The following GPAM variants were observed in gnomAD, a reference collection of about 807,000 sequenced individuals.
GPAM encodes glycerol-3-phosphate acyltransferase, mitochondrial.
GPAM carries 56 observed loss-of-function variants against 105.0 expected under a neutral mutation model. The observed-to-expected ratio is 0.53, with a 90% confidence interval of 0.43 to 0.67. The LOEUF is 0.67. GPAM is among the 30% of genes least tolerant of loss of function. The pLI, the probability that GPAM is intolerant of heterozygous loss-of-function variation, is 0.00. For missense variants in GPAM, 855 were observed against 989.8 expected, an observed-to-expected ratio of 0.86 and a Z score of 1.83; for synonymous variants, 368 against 354.4, an observed-to-expected ratio of 1.04 and a Z score of -0.43.
chr10:112,157,213 C>G (rs1296084899), intron 19 of GPAM, 36 bp downstream of exon 19: 3 of 1,588,032 alleles, frequency 1.9e-6, no homozygotes, highest in East Asian at 2.2e-5. Flanking sequence ...CTCAACATAT[C>G]CCTGTAATAT....
At chr10:112,193,841 A>G (rs1385485550) in intron 1 of GPAM, among the ~76,000 whole-genome samples, 1 of 152,208 alleles carries the variant, frequency 6.6e-6, no homozygotes, top group Non-Finnish European at 1.5e-5. Context: ...TTATGCTTGA[A>G]AAACATACTT....
intron 1 of GPAM, among the ~76,000 whole-genome samples, chr10:112,210,609 G>GC (rs908559424): frequency 5.9e-5 from 9 of 152,212 alleles, no homozygotes; most frequent in Non-Finnish European, 2.9e-5. Flanking sequence ...CAAGGGGACA[G>GC]CCCCCCTCAA....
At chr10:112,172,449 T>C (rs1847329377) in intron 8 of GPAM, 131 bp from the exon 9 acceptor site, 5 of 723,560 alleles carry the variant, frequency 6.9e-6, no homozygotes, top group Non-Finnish European at 1.3e-5. Context: ...CATTTTCCAA[T>C]AATAGGAACT....
intron 19 of GPAM, chr10:112,156,702 CA>C (rs1188353048): frequency 1.8e-5 from 3 of 165,062 alleles, no homozygotes; most frequent in African/African-American, 4.8e-5. Context: ...TTCTAAATGT[CA>C]AAAAAGAGTA....
intron 1 of GPAM, among the ~76,000 whole-genome samples, chr10:112,197,557 T>C (rs962015916): frequency 6.6e-6 from 1 of 150,908 alleles, no homozygotes; most frequent in Non-Finnish European, 1.5e-5. Flanking sequence ...TACATATGTA[T>C]ACATGTGCCA....
At chr10:112,211,136 G>A (rs887647132) in intron 1 of GPAM, among the ~76,000 whole-genome samples, 1 of 152,112 alleles carries the variant, frequency 6.6e-6, no homozygotes, top group African/African-American at 2.4e-5. Flanking sequence ...AGTGAATACT[G>A]GGATCCAGCT....
At chr10:112,197,760 A>T (rs953309744) in intron 1 of GPAM, among the ~76,000 whole-genome samples, 42 of 150,566 alleles carry the variant, frequency 2.8e-4, no homozygotes, top group African/African-American at 1.0e-3. Context: ...TTCTTGCGAT[A>T]GTTTACTGAG....
chr10:112,224,666 C>G, the GPAM span, among the ~76,000 whole-genome samples: 2 of 152,056 alleles, frequency 1.3e-5, no homozygotes, highest in African/African-American at 4.8e-5. Context: ...TCTCTCTATT[C>G]AAACTTGTTG....
At chr10:112,215,865 G>A (rs139942855), upstream of GPAM, among the ~76,000 whole-genome samples, 8 of 152,248 alleles carry the variant, frequency 5.3e-5, no homozygotes, top group African/African-American at 1.2e-4. Flanking sequence ...TGTGCATTTC[G>A]TATTTGTCTT....
chr10:112,150,595 C>G lies in GPAM; in HGVS notation c.*2955G>C. ...ATAGTGTTTCCCAAAATGTTCTCCACAGGACATTAGTGAGAGGTTCATAAG... is the reference window on the plus strand; with the variant it reads ...ATAGTGTTTCCCAAAATGTTCTCCAGAGGACATTAGTGAGAGGTTCATAAG... On this transcript the variant is annotated 3_prime_UTR_variant, in exon 22 of 22. Coordinates refer to ENST00000348367, the MANE Select transcript of GPAM (RefSeq NM_001244949.2). The G allele has an allele frequency of 1.0e-6, 1 of 954,614 alleles. No homozygotes were observed. Among genetic ancestry groups the G allele is most frequent in the Non-Finnish European group, 1.2e-6 (1 of 801,680 alleles). 59.1% of individuals were successfully genotyped at this position (954,614 alleles called of 1,614,324 possible).
upstream of GPAM, among the ~76,000 whole-genome samples, chr10:112,185,557 AACAC>A (rs1444662128): frequency 6.5e-5 from 9 of 139,072 alleles, no homozygotes; most frequent in East Asian, 1.0e-3. Flanking sequence ...TTAACACCCT[AACAC>A]ACACACACAG....
chr10:112,217,888 A>G (rs1182703871), upstream of GPAM, among the ~76,000 whole-genome samples: 1 of 152,216 alleles, frequency 6.6e-6, no homozygotes, highest in Non-Finnish European at 1.5e-5. Flanking sequence ...CTACATATTC[A>G]GTCTTGGCTT....
At chr10:112,177,557 A>G (rs1326917986) in intron 5 of GPAM, among the ~76,000 whole-genome samples, 1 of 152,196 alleles carries the variant, frequency 6.6e-6, no homozygotes, top group Admixed American at 6.5e-5. Context: ...TAGTAACTCA[A>G]ACAACATTTG....
At position 112,152,658 on chromosome 10, in the gene GPAM, T is replaced by C. The variant is rs1564808128; in HGVS notation, c.*892A>G. 2.0e-6 allele frequency: 2 copies of C among 985,282 alleles called. No homozygotes were observed. Among genetic ancestry groups the C allele is most frequent in the African/African-American group, 1.7e-5 (1 of 57,238 alleles). The allele number at this position is 985,282 out of a possible 1,614,324, so 61.0% of individuals were successfully genotyped here. A position where few individuals can be genotyped will look rare whatever the true frequency, so the allele number is the denominator to read the frequency against. The stretch of plus-strand genomic sequence containing the variant: ...TCAAGTTAGGAAAACTGCTATTTGG[T>C]TGGAGGATTTCCAAGAAACAGCTGT... On this transcript the variant is annotated 3_prime_UTR_variant, in exon 22 of 22. Transcript: ENST00000348367.
At chr10:112,171,174 C>T (rs1847306326) in intron 9 of GPAM, among the ~76,000 whole-genome samples, 1 of 152,182 alleles carries the variant, frequency 6.6e-6, no homozygotes, top group African/African-American at 2.4e-5. Context: ...CAACCAGTTC[C>T]TCACCAATTC....
intron 9 of GPAM, among the ~76,000 whole-genome samples, chr10:112,170,711 C>T (rs1160368903): frequency 1.3e-5 from 2 of 152,182 alleles, no homozygotes; most frequent in Non-Finnish European, 2.9e-5. Context: ...ATTCTAATTC[C>T]TGGAAAAGCA....
chr10:112,159,791 G>A lies in GPAM; in HGVS notation c.1902+120C>T, dbSNP rs1847088258. 6 of 982,516 alleles carry A rather than the reference G, an allele frequency of 6.1e-6. No individual in the cohort carries two copies. In the East Asian group the frequency reaches 1.4e-4, roughly 24 times the overall value. The allele number at this position is 982,516 out of a possible 1,614,324, so 60.9% of individuals were successfully genotyped here. On this transcript the variant is annotated intron_variant, in intron 17 of 21. Transcript: ENST00000348367. ...GTTTGGTGGTCACTGAAATCCAGGA[G>A]TGGAATATAAAGTATCAACAATGGG...
intron 1 of GPAM, among the ~76,000 whole-genome samples, chr10:112,193,224 G>A (rs1213580440): frequency 6.6e-6 from 1 of 152,164 alleles, no homozygotes; most frequent in Non-Finnish European, 1.5e-5. Flanking sequence ...TCAGGCTGGA[G>A]TGGCAAAGAC....
the GPAM span, among the ~76,000 whole-genome samples, chr10:112,222,752 A>G: frequency 6.6e-6 from 1 of 152,132 alleles, no homozygotes. Context: ...CAGCTAGATC[A>G]TGAGCTGCCT....
Sources: gnomAD v4.1 joint callset for allele counts (sites outside exome capture counted in the v4.1 genomes callset) on GRCh38, gnomAD v4.1.1 for gene constraint, MANE v1.5 for transcripts, NCBI Gene and HGNC (gene_info 2026-07-23, HGNC 2026-07-21) for gene names.